The following CNTN1 variants were observed in gnomAD, a reference collection of about 807,000 sequenced individuals.
CNTN1 encodes contactin 1.
In CNTN1, 38 loss-of-function variants were observed where a neutral mutation model predicts 126.4. The ratio of observed to expected loss-of-function variants is 0.30; its 90% CI spans 0.23 to 0.39. The LOEUF is 0.39. Among genes scored for constraint, CNTN1 ranks in the 10% least tolerant of loss-of-function variants. The probability of loss-of-function intolerance (pLI) is 1.00; values close to 1 mark genes in which losing one functional copy is unlikely to be tolerated. For synonymous variants in CNTN1, 413 were observed against 422.6 expected, an observed-to-expected ratio of 0.98 and a Z score of 0.28; for missense variants, 1,009 against 1,248.4, an observed-to-expected ratio of 0.81 and a Z score of 2.89.
intron 3 of CNTN1, 84 bp from the exon 4 acceptor site, chr12:40,918,555 T>C: frequency 7.9e-7 from 1 of 1,264,832 alleles, no homozygotes. Context: ...TCTGATTTTT[T>C]TCAAGTAATT....
intron 1 of CNTN1, among the ~76,000 whole-genome samples, chr12:40,732,581 A>C (rs1596513): frequency 0.99 from 149,902 of 152,084 alleles, 73,900 homozygotes; most frequent in Middle Eastern, 1. Context: ...CATAGAGGGG[A>C]ATGAGAAACC....
chr12:40,715,972 G>T (rs1007340007), intron 1 of CNTN1, among the ~76,000 whole-genome samples: 4 of 152,002 alleles, frequency 2.6e-5, no homozygotes, highest in Non-Finnish European at 5.9e-5. Flanking sequence ...TAATAGTTAA[G>T]GAGGGAGAGG....
chr12:40,822,323 T>G (rs1941474722), intron 1 of CNTN1, among the ~76,000 whole-genome samples: 1 of 151,646 alleles, frequency 6.6e-6, no homozygotes, highest in South Asian at 2.1e-4. Flanking sequence ...CCCGGCTAAT[T>G]TTTGTACCTT....
intron 1 of CNTN1, among the ~76,000 whole-genome samples, chr12:40,696,283 G>A (rs970653413): frequency 1.3e-5 from 2 of 152,166 alleles, no homozygotes; most frequent in Non-Finnish European, 2.9e-5. Flanking sequence ...TTTCTGGCTT[G>A]TGGTTAGTTA....
chr12:40,831,444 C>G (rs1034858342), intron 1 of CNTN1, among the ~76,000 whole-genome samples: 1 of 151,962 alleles, frequency 6.6e-6, no homozygotes, highest in Non-Finnish European at 1.5e-5. Context: ...TCACAGAAAA[C>G]TTTTGCAAGT....
chr12:40,978,592 G>A (rs752604914), intron 15 of CNTN1, among the ~76,000 whole-genome samples: 1 of 151,966 alleles, frequency 6.6e-6, no homozygotes, highest in Non-Finnish European at 1.5e-5. Context: ...ACATGTATCC[G>A]AGAAAACAAT....
At chr12:40,947,806 C>T (rs1468261376) in intron 14 of CNTN1, among the ~76,000 whole-genome samples, 3 of 149,166 alleles carry the variant, frequency 2.0e-5, no homozygotes, top group East Asian at 1.9e-4. Flanking sequence ...CACACACACA[C>T]ACACACACAC....
chr12:40,693,236 C>A (rs1941349416), intron 1 of CNTN1, among the ~76,000 whole-genome samples: 1 of 152,218 alleles, frequency 6.6e-6, no homozygotes, highest in African/African-American at 2.4e-5. Flanking sequence ...CCACGATCTG[C>A]GGCAGGTGGG....
At chr12:40,869,307 C>A (rs2136665051) in intron 1 of CNTN1, among the ~76,000 whole-genome samples, 1 of 151,122 alleles carries the variant, frequency 6.6e-6, no homozygotes, top group East Asian at 1.9e-4. Context: ...GTCTTTGTCA[C>A]CCAGGCTGGA....
chr12:40,789,006 T>A (rs1246260898), intron 1 of CNTN1, among the ~76,000 whole-genome samples: 1 of 152,190 alleles, frequency 6.6e-6, no homozygotes, highest in Non-Finnish European at 1.5e-5. Context: ...GATTATAGAA[T>A]CTATAGAGGG....
In CNTN1 at chr12:40,903,792, C is replaced by A. The variant is rs192117404; in HGVS notation, c.-76-4565C>A. Among the ~76,000 whole-genome samples the A allele has an allele frequency of 6.1e-4, 93 of 152,260 alleles. No individual in the cohort carries two copies. The East Asian group carries it at 0.012, about 19-fold the overall frequency. On this transcript the variant is annotated intron_variant, in intron 1 of 23. Transcript: ENST00000551295. ...AAGGAAAAGATAGCATGGAATAACA[C>A]AGAGAGGCTCAAAATAATGAAAATA...
At chr12:40,878,004 TTTTTTTTTTTG>T (rs1022837203) in intron 1 of CNTN1, among the ~76,000 whole-genome samples, 1 of 91,040 alleles carries the variant, frequency 1.1e-5, no homozygotes, top group African/African-American at 5.9e-5. Context: ...TTTTTTTTTT[TTTTTTTTTTTG>T]AGATAGAGTT....
Position 40,939,481 on chromosome 12 carries a change from A to G in CNTN1, c.1375A>G (p.Ser459Gly). The G allele has an allele frequency of 6.2e-7, 1 of 1,613,776 alleles. No individual in the cohort carries two copies. Among genetic ancestry groups the G allele is most frequent in the Non-Finnish European group, 8.5e-7 (1 of 1,179,860 alleles). The stretch of plus-strand genomic sequence containing the variant: ...AGGGACAGAGTGGCTTGTCAATAGC[A>G]GCAGGTCAGTGCTGAAACTAGAAAT... ...SKGTEWLVNS[S>G]RILIWEDGSL... The change falls in exon 12 of 24, where the codon AGC becomes GGC. Residue 459 changes from serine to glycine, a missense_variant. Physicochemically the swap from Ser to Gly is moderately conservative, Grantham distance 56. Coordinates refer to ENST00000551295, the MANE Select transcript of CNTN1 (RefSeq NM_001843.4).
At chr12:40,932,367 T>C (rs1037263411) in intron 7 of CNTN1, among the ~76,000 whole-genome samples, 29 of 149,184 alleles carry the variant, frequency 1.9e-4, no homozygotes, top group Non-Finnish European at 4.0e-4. Flanking sequence ...TTCCCTTTGC[T>C]CTTCCTTAAT....
chr12:40,721,841 G>T (rs569752618), intron 1 of CNTN1, among the ~76,000 whole-genome samples: 1 of 151,034 alleles, frequency 6.6e-6, no homozygotes, highest in East Asian at 2.0e-4. Flanking sequence ...TGAGAATGAC[G>T]ATTTCCAATT....
At chr12:40,968,326 T>A (rs1435856401) in intron 15 of CNTN1, among the ~76,000 whole-genome samples, 1 of 152,222 alleles carries the variant, frequency 6.6e-6, no homozygotes, top group Middle Eastern at 3.2e-3. Context: ...TCACTGATAC[T>A]GATCTTGCTA....
intron 1 of CNTN1, among the ~76,000 whole-genome samples, chr12:40,892,708 G>A (rs1944282135): frequency 6.6e-6 from 1 of 152,090 alleles, no homozygotes; most frequent in Non-Finnish European, 1.5e-5. Context: ...ACTTCTGCAA[G>A]GGCAAGAGAT....
intron 1 of CNTN1, among the ~76,000 whole-genome samples, chr12:40,884,100 T>C (rs549318957): frequency 6.6e-5 from 10 of 151,738 alleles, no homozygotes; most frequent in South Asian, 6.2e-4. Context: ...CTAATTGTTG[T>C]TATAGGTTTG....
intron 23 of CNTN1, among the ~76,000 whole-genome samples, chr12:41,052,009 A>G (rs1949699069): frequency 1.3e-5 from 2 of 152,018 alleles, no homozygotes; most frequent in Non-Finnish European, 2.9e-5. Flanking sequence ...AATGTATTAA[A>G]TAGCAGACTC....
Sources: gnomAD v4.1 joint callset for allele counts (sites outside exome capture counted in the v4.1 genomes callset) on GRCh38, gnomAD v4.1.1 for gene constraint, MANE v1.5 for transcripts, NCBI Gene and HGNC (gene_info 2026-07-23, HGNC 2026-07-21) for gene names.